The following ACMSD variants were observed in gnomAD, a reference collection of about 807,000 sequenced individuals.
ACMSD encodes the protein aminocarboxymuconate semialdehyde decarboxylase, also known as 2-amino-3-carboxymuconate-6-semialdehyde decarboxylase.
Under a neutral mutation model 45.9 loss-of-function variants are expected in ACMSD, and 37 were observed. The ratio of observed to expected loss-of-function variants is 0.81; its 90% CI spans 0.62 to 1.06. The LOEUF (loss-of-function observed/expected upper bound fraction) is 1.06, where lower values mean the gene tolerates loss of function less well. ACMSD is among the 50% of genes least tolerant of loss of function. ACMSD has a pLI of 0.00. For synonymous variants in ACMSD, 138 were observed against 148.8 expected, an observed-to-expected ratio of 0.93 and a Z score of 0.53; for missense variants, 434 against 420.9, an observed-to-expected ratio of 1.03 and a Z score of -0.27.
At chr2:134,839,036 C>A in intron 1 of ACMSD, among the ~76,000 whole-genome samples, 1 of 152,150 alleles carries the variant, frequency 6.6e-6, no homozygotes, top group South Asian at 2.1e-4. Context: ...TCAAAAATCA[C>A]ATATTCAGCT....
chr2:134,851,926 C>T lies in ACMSD; in HGVS notation c.102+6649C>T, dbSNP rs181033457. On this transcript the variant is annotated intron_variant, in intron 2 of 9. Coordinates refer to ENST00000356140, the MANE Select transcript of ACMSD (RefSeq NM_138326.3). ...TTGTACATCTTCTCAAAATTAATTC[C>T]TATTAACAGTTTGGTGGGTATTTAC... Among the ~76,000 whole-genome samples, 343 of 152,206 alleles carry T rather than the reference C, an allele frequency of 2.3e-3. 2 individuals are homozygous for T. The highest frequency in any genetic ancestry group is 7.9e-3 in the African/African-American group (328 of 41,524).
rs929973227 is a variant in ACMSD at position 134,892,633 on chromosome 2, A to C, written c.850-5708A>C. Among the ~76,000 whole-genome samples the C allele has an allele frequency of 9.7e-4, 148 of 152,232 alleles. 1 individual carries two copies. Among genetic ancestry groups the C allele is most frequent in the African/African-American group, 3.5e-3 (147 of 41,532 alleles). ...TGCTCATTAACTAAATCCATCTGGA[A>C]GCCTAGGGTCAAGGGAGTCCATTGT... On this transcript the variant is annotated intron_variant, in intron 8 of 9. Coordinates refer to ENST00000356140, the MANE Select transcript of ACMSD (RefSeq NM_138326.3).
In ACMSD at chr2:134,868,114, T is replaced by C. The variant is rs201905870; in HGVS notation, c.580+442T>C. On this transcript the variant is annotated intron_variant, in intron 6 of 9. Transcript: ENST00000356140. ...TAGTAAATTTTTTAGACGATGATAA[T>C]AGCATCAGCTCATACAAATGAGAAC... is the stretch of plus-strand genomic sequence containing the variant. Among the ~76,000 whole-genome samples the C allele has an allele frequency of 1.1e-4, 16 of 152,264 alleles. No individual in the cohort carries two copies. The East Asian group carries it at 2.3e-3, about 22-fold the overall frequency.
intron 2 of ACMSD, among the ~76,000 whole-genome samples, chr2:134,847,174 G>A (rs1375851057): frequency 1.3e-5 from 2 of 152,144 alleles, no homozygotes; most frequent in African/African-American, 4.8e-5. Context: ...TCTTCGGAGG[G>A]TCTTAATGGC....
chr2:134,840,437 C>T (rs1001508255), intron 1 of ACMSD, among the ~76,000 whole-genome samples: 15 of 152,038 alleles, frequency 9.9e-5, no homozygotes, highest in Admixed American at 7.9e-4. Flanking sequence ...GTATGTCCCC[C>T]CCAAAATTCA....
chr2:134,845,305 A>G (rs1228710089), intron 2 of ACMSD, 28 bp downstream of exon 2: 1 of 1,613,964 alleles, frequency 6.2e-7, no homozygotes, highest in South Asian at 1.1e-5. Context: ...TATGAACATC[A>G]GTAGCACTCA....
chr2:134,867,870 C>G (rs1295460229), intron 6 of ACMSD, 198 bp downstream of exon 6: 1 of 363,152 alleles, frequency 2.8e-6, no homozygotes, highest in Non-Finnish European at 4.9e-6. Flanking sequence ...TAAACATATC[C>G]AATACCATCA....
Position 134,864,474 on chromosome 2 carries a change from C to T in ACMSD, c.486+843C>T, listed in dbSNP as rs1370876123. On this transcript the variant is annotated intron_variant, in intron 5 of 9. Coordinates refer to ENST00000356140, the MANE Select transcript of ACMSD (RefSeq NM_138326.3). The stretch of plus-strand genomic sequence containing the variant: ...TACATATATCTATATTTTAATGAAC[C>T]TGAAATTCTGTTACACATGTGATTT... Among the ~76,000 whole-genome samples, 3 of 152,160 alleles carry T rather than the reference C, an allele frequency of 2.0e-5. No homozygotes were observed. In the East Asian group the frequency reaches 5.8e-4, roughly 29 times the overall value.
At chr2:134,880,979 A>G (rs1279302763) in intron 8 of ACMSD, among the ~76,000 whole-genome samples, 1 of 152,090 alleles carries the variant, frequency 6.6e-6, no homozygotes, top group African/African-American at 2.4e-5. Flanking sequence ...CCCAACCAAA[A>G]TATCTATTCA....
chr2:134,889,270 T>C (rs1403300854), intron 8 of ACMSD, among the ~76,000 whole-genome samples: 4 of 152,158 alleles, frequency 2.6e-5, no homozygotes, highest in South Asian at 4.1e-4. Context: ...TATGGAAATA[T>C]AGATATGTGT....
chr2:134,878,943 C>T (rs767083214), intron 8 of ACMSD, among the ~76,000 whole-genome samples: 1 of 152,180 alleles, frequency 6.6e-6, no homozygotes, highest in Non-Finnish European at 1.5e-5. Flanking sequence ...TGAGAGACAA[C>T]AGCCTTAAGC....
chr2:134,863,368 C>G (rs776904567), intron 4 of ACMSD, 27 bp from the exon 5 acceptor site: 34 of 1,596,552 alleles, frequency 2.1e-5, no homozygotes, highest in Non-Finnish European at 2.6e-6. Flanking sequence ...TTCAACAATG[C>G]GGTTTTCCCT....
intron 3 of ACMSD, among the ~76,000 whole-genome samples, chr2:134,860,117 G>A (rs568686399): frequency 6.6e-6 from 1 of 152,302 alleles, no homozygotes; most frequent in South Asian, 2.1e-4. Context: ...ACAAAAATTA[G>A]CCAGGCATGC....
At chr2:134,864,374 TAAC>T (rs1687997205) in intron 5 of ACMSD, among the ~76,000 whole-genome samples, 2 of 152,084 alleles carry the variant, frequency 1.3e-5, no homozygotes, top group African/African-American at 4.8e-5. Context: ...ATAAAGATGA[TAAC>T]AAACATTACC....
Position 134,895,076 on chromosome 2 carries a change from C to T in ACMSD, c.850-3265C>T, listed in dbSNP as rs982691639. 4.0e-5 allele frequency among the ~76,000 whole-genome samples: 6 copies of T among 151,648 alleles called. No homozygotes were observed. The East Asian group carries it at 9.7e-4, about 24-fold the overall frequency. On this transcript the variant is annotated intron_variant, in intron 8 of 9. Coordinates refer to ENST00000356140, the MANE Select transcript of ACMSD (RefSeq NM_138326.3). ...ATCCAAGCACTTTGGCAGGCCAAGG[C>T]GGGTGGATCATAAGGTCAGGAGATC... is the stretch of plus-strand genomic sequence containing the variant.
At chr2:134,844,143 A>AT (rs1686943623) in intron 1 of ACMSD, among the ~76,000 whole-genome samples, 1 of 152,238 alleles carries the variant, frequency 6.6e-6, no homozygotes, top group African/African-American at 2.4e-5. Flanking sequence ...GTCAATAGTT[A>AT]TTTGAGTCAT....
At chr2:134,840,769 AT>A (rs566968832) in intron 1 of ACMSD, among the ~76,000 whole-genome samples, 47 of 151,978 alleles carry the variant, frequency 3.1e-4, no homozygotes, top group Non-Finnish European at 5.9e-4. Context: ...TTATGTATTT[AT>A]TTTTATTTCC....
At chr2:134,853,094 C>T (rs943487550) in intron 2 of ACMSD, among the ~76,000 whole-genome samples, 2 of 143,168 alleles carry the variant, frequency 1.4e-5, no homozygotes, top group African/African-American at 5.2e-5. Flanking sequence ...ACCCAGGAGG[C>T]GGAGATTGCA....
At position 134,859,263 on chromosome 2, in the gene ACMSD, AG is replaced by A; in HGVS notation, c.106del (p.Glu36LysfsTer5). 1.2e-6 allele frequency: 2 copies of A among 1,613,960 alleles called. No individual in the cohort carries two copies. The highest frequency in any genetic ancestry group is 1.7e-6 in the Non-Finnish European group (2 of 1,179,922). On this transcript the variant is annotated frameshift_variant, in exon 3 of 10. Coordinates refer to ENST00000356140, the MANE Select transcript of ACMSD (RefSeq NM_138326.3). LOFTEE classifies it high-confidence loss of function. ...WVQLQHHSKGEAKLLKDGKVF... is the reference protein window; with the variant it reads ...WVQLQHHSKGXAKLLKDGKVF... ...GTAATGTGGGTTTTCTGCCCCAGGGAGAAGCAAAGTTGTTGAAAGATGGGAA... is the reference window on the plus strand; with the variant it reads ...GTAATGTGGGTTTTCTGCCCCAGGGAAAGCAAAGTTGTTGAAAGATGGGAA...
Sources: gnomAD v4.1 joint callset for allele counts (sites outside exome capture counted in the v4.1 genomes callset) on GRCh38, gnomAD v4.1.1 for gene constraint, MANE v1.5 for transcripts, NCBI Gene and HGNC (gene_info 2026-07-23, HGNC 2026-07-21) for gene names.